Variants in CDH13 observed in about 807,000 individuals in gnomAD.
CDH13 encodes the protein cadherin 13.
In CDH13, 24 loss-of-function variants were observed where a neutral mutation model predicts 63.8. The observed-to-expected ratio is 0.38, with a 90% CI of 0.27 to 0.53. The LOEUF (loss-of-function observed/expected upper bound fraction) is 0.53, where lower values mean the gene tolerates loss of function less well. CDH13 is among the 20% of genes least tolerant of loss of function. The pLI is 0.85. For missense variants in CDH13, 1,049 were observed against 903.1 expected (o/e 1.16, Z -2.07); for synonymous variants, 503 against 355.3 (o/e 1.42, Z -4.67).
chr16:83,123,152 G>T (rs186780974), intron 3 of CDH13, among the ~76,000 whole-genome samples: 3 of 152,030 alleles, frequency 2.0e-5, no homozygotes, highest in Non-Finnish European at 4.4e-5. Context: ...GCGTGTGTGT[G>T]TATGAGTATG....
Position 83,795,791 on chromosome 16 carries a change from G to C in CDH13, c.*761G>C, listed in dbSNP as rs1159459836. The C allele has an allele frequency of 1.3e-5, 2 of 152,594 alleles. No homozygotes were observed. Among genetic ancestry groups the C allele is most frequent in the Non-Finnish European group, 2.9e-5 (2 of 68,034 alleles). The allele number at this position is 152,594 out of a possible 1,614,324, so 9.5% of individuals were successfully genotyped here. A position where few individuals can be genotyped will look rare whatever the true frequency, so the allele number is the denominator to read the frequency against. ...ACCACCAAATGCCAAGAAAAGGGCTGACATTTTCTTTCATGGGCACCAACC... is the reference window on the plus strand; with the variant it reads ...ACCACCAAATGCCAAGAAAAGGGCTCACATTTTCTTTCATGGGCACCAACC... On this transcript the variant is annotated 3_prime_UTR_variant, in exon 14 of 14. Coordinates refer to ENST00000567109, the MANE Select transcript of CDH13 (RefSeq NM_001257.5).
At chr16:83,688,329 C>G (rs966038877) in intron 10 of CDH13, among the ~76,000 whole-genome samples, 2 of 152,216 alleles carry the variant, frequency 1.3e-5, no homozygotes, top group African/African-American at 4.8e-5. Context: ...CTGGCATTCT[C>G]AGAAACACAG....
At chr16:83,534,491 A>G (rs1004957837) in intron 7 of CDH13, among the ~76,000 whole-genome samples, 5 of 152,214 alleles carry the variant, frequency 3.3e-5, no homozygotes, top group African/African-American at 4.8e-5. Flanking sequence ...TGTTACAACC[A>G]CTACCTCCTC....
At chr16:83,334,349 T>TCC (rs1411980777) in intron 5 of CDH13, among the ~76,000 whole-genome samples, 34 of 44,270 alleles carry the variant, frequency 7.7e-4, no homozygotes, top group African/African-American at 3.1e-3. Flanking sequence ...TCCCTCTCTC[T>TCC]CTCTCTCTCT....
intron 6 of CDH13, among the ~76,000 whole-genome samples, chr16:83,474,944 G>C (rs141141765): frequency 5.9e-5 from 9 of 152,346 alleles, no homozygotes; most frequent in Middle Eastern, 3.4e-3. Context: ...GAAAAGGAAG[G>C]CATGTGCATT....
chr16:82,639,755 CAT>C (rs1233028360), intron 1 of CDH13, among the ~76,000 whole-genome samples: 1 of 152,138 alleles, frequency 6.6e-6, no homozygotes, highest in African/African-American at 2.4e-5. Flanking sequence ...ATTGAGCAAA[CAT>C]GTGTTGAGTG....
At chr16:82,806,054 A>C (rs1036034242) in intron 1 of CDH13, among the ~76,000 whole-genome samples, 7 of 152,154 alleles carry the variant, frequency 4.6e-5, no homozygotes, top group Non-Finnish European at 1.0e-4. Context: ...GCATCCACTG[A>C]GATGTTAGTG....
At chr16:83,728,742 G>T (rs1235139314) in intron 10 of CDH13, 1 of 152,190 alleles carries the variant, frequency 6.6e-6, no homozygotes, top group African/African-American at 2.4e-5. Flanking sequence ...TGATGTGACG[G>T]GTTTTGACGA....
intron 1 of CDH13, among the ~76,000 whole-genome samples, chr16:82,779,661 G>C (rs901933376): frequency 2.6e-5 from 4 of 152,194 alleles, no homozygotes; most frequent in African/African-American, 7.2e-5. Context: ...GCTCTCCTTG[G>C]ATAGTTTATC....
At chr16:83,644,418 G>A (rs1256561075) in intron 8 of CDH13, among the ~76,000 whole-genome samples, 1 of 152,100 alleles carries the variant, frequency 6.6e-6, no homozygotes, top group Non-Finnish European at 1.5e-5. Flanking sequence ...AAACATTACA[G>A]CAATAAAAAT....
chr16:82,662,993 T>G (rs1182183844), intron 1 of CDH13, among the ~76,000 whole-genome samples: 1 of 152,112 alleles, frequency 6.6e-6, no homozygotes, highest in Non-Finnish European at 1.5e-5. Flanking sequence ...AATTGCAGTT[T>G]CAGAAAGGGC....
intron 5 of CDH13, among the ~76,000 whole-genome samples, chr16:83,229,494 GT>G (rs563617248): frequency 0.018 from 2,761 of 149,802 alleles, 101 homozygotes; most frequent in African/African-American, 0.063. Flanking sequence ...AATTTTGAGG[GT>G]TTTTTTTTTC....
chr16:83,540,656 A>AATGAC (rs1185498582), intron 7 of CDH13, among the ~76,000 whole-genome samples: 1 of 152,202 alleles, frequency 6.6e-6, no homozygotes, highest in East Asian at 1.9e-4. Flanking sequence ...TAACTGTCCT[A>AATGAC]ATGACATCTC....
intron 10 of CDH13, among the ~76,000 whole-genome samples, chr16:83,697,623 G>C (rs1217559263): frequency 6.6e-6 from 1 of 152,174 alleles, no homozygotes; most frequent in Non-Finnish European, 1.5e-5. Context: ...CCAGAGGCTT[G>C]AGGAAACCTA....
intron 1 of CDH13, among the ~76,000 whole-genome samples, chr16:82,815,757 C>T (rs1567563459): frequency 6.6e-6 from 1 of 152,116 alleles, no homozygotes; most frequent in Non-Finnish European, 1.5e-5. Context: ...TGTGTGTTGT[C>T]CACCCATTAT....
Position 83,670,877 on chromosome 16 carries a change from A to C in CDH13, c.1189A>C (p.Arg397=), listed in dbSNP as rs376437464. The change falls in exon 9 of 14, where the codon AGG becomes CGG. Residue 397 remains arginine (R), a synonymous_variant. Coordinates refer to ENST00000567109, the MANE Select transcript of CDH13 (RefSeq NM_001257.5). The part of the protein sequence containing the change: ...DKDDPTTGAW[R]AAYTIINGNP... ...GGATGACCCCACCACAGGTGCATGG[A>C]GGGCTGCCTACACCATCATCAACGG... The C allele has an allele frequency of 6.2e-7, 1 of 1,613,858 alleles. No individual in the cohort carries two copies. Among genetic ancestry groups the C allele is most frequent in the Non-Finnish European group, 8.5e-7 (1 of 1,179,746 alleles).
At chr16:83,754,470 A>G (rs992899595) in intron 11 of CDH13, among the ~76,000 whole-genome samples, 1 of 152,176 alleles carries the variant, frequency 6.6e-6, no homozygotes, top group Non-Finnish European at 1.5e-5. Flanking sequence ...TTGATGAAGC[A>G]AGGCTCCATC....
At chr16:82,839,926 T>C (rs1445358529) in intron 1 of CDH13, among the ~76,000 whole-genome samples, 1 of 152,228 alleles carries the variant, frequency 6.6e-6, no homozygotes, top group Non-Finnish European at 1.5e-5. Context: ...TTTGAAATAT[T>C]ACATTAATCC....
intron 8 of CDH13, among the ~76,000 whole-genome samples, chr16:83,643,157 T>G (rs1911451961): frequency 1.6e-5 from 1 of 63,128 alleles, no homozygotes. Flanking sequence ...GGGGGAGGGA[T>G]AGCATTGGGA....
Sources: allele counts gnomAD v4.1 joint callset (sites outside exome capture counted in the v4.1 genomes callset), GRCh38; gene constraint gnomAD v4.1.1; transcripts MANE v1.5; gene names NCBI Gene and HGNC (gene_info 2026-07-23, HGNC 2026-07-21).